EXOC6: variants seen among roughly 807,000 people sequenced by gnomAD.
The protein encoded by EXOC6 is exocyst complex component 6.
Under a neutral mutation model 112.5 loss-of-function variants are expected in EXOC6, and 60 were observed. The ratio of observed to expected loss-of-function variants is 0.53; its 90% CI spans 0.43 to 0.66. The LOEUF (loss-of-function observed/expected upper bound fraction) is 0.66. EXOC6 is among the 30% of genes least tolerant of loss of function. The pLI, the probability that EXOC6 is intolerant of heterozygous loss-of-function variation, is 0.00. For missense variants in EXOC6, 855 were observed against 957.1 expected (o/e 0.89, Z 1.41); for synonymous variants, 295 against 308.0 (o/e 0.96, Z 0.44).
chr10:92,919,954 A>T (rs1456683486), intron 7 of EXOC6, 28 bp from the exon 8 acceptor site: 1 of 1,482,910 alleles, frequency 6.7e-7, no homozygotes, highest in East Asian at 2.3e-5. Flanking sequence ...TTGACCTATA[A>T]TTTTTTTAAA....
At chr10:92,844,583 GT>G (rs574293696), upstream of EXOC6, among the ~76,000 whole-genome samples, 7 of 151,220 alleles carry the variant, frequency 4.6e-5, no homozygotes, top group East Asian at 5.8e-4. Context: ...ACACAATCAG[GT>G]TTTTTTTTAA....
chr10:93,017,892 C>A (rs1414064697), intron 20 of EXOC6, among the ~76,000 whole-genome samples: 1 of 151,774 alleles, frequency 6.6e-6, no homozygotes, highest in Non-Finnish European at 1.5e-5. Flanking sequence ...CACCTGTAAT[C>A]CCAGTTACTC....
chr10:93,032,051 A>G (rs1845302727), intron 20 of EXOC6, among the ~76,000 whole-genome samples: 1 of 151,882 alleles, frequency 6.6e-6, no homozygotes. Flanking sequence ...GTTATGAATA[A>G]TTTGTAGTTT....
chr10:93,047,535 C>CAAACAAAACA (rs149468459), intron 20 of EXOC6, among the ~76,000 whole-genome samples: 24 of 151,262 alleles, frequency 1.6e-4, no homozygotes, highest in Admixed American at 1.3e-3. Flanking sequence ...GGCTATGTCT[C>CAAACAAAACA]AAACAAAACA....
At chr10:92,860,828 A>G (rs1424525986) in intron 1 of EXOC6, among the ~76,000 whole-genome samples, 3 of 151,302 alleles carry the variant, frequency 2.0e-5, no homozygotes, top group Admixed American at 6.6e-5. Context: ...TTGTATGTAT[A>G]TATTACATTT....
chr10:92,873,690 G>A (rs1420151093), intron 1 of EXOC6, among the ~76,000 whole-genome samples: 3 of 152,006 alleles, frequency 2.0e-5, no homozygotes, highest in African/African-American at 4.8e-5. Flanking sequence ...AATATTTCAT[G>A]GAAAAACACA....
intron 1 of EXOC6, among the ~76,000 whole-genome samples, chr10:92,891,832 A>G (rs918582394): frequency 6.6e-6 from 1 of 152,196 alleles, no homozygotes; most frequent in African/African-American, 2.4e-5. Context: ...TACCTCTTGT[A>G]TTAGAGAGTG....
intron 20 of EXOC6, among the ~76,000 whole-genome samples, chr10:93,039,907 G>GCT (rs1199296392): frequency 6.6e-6 from 1 of 152,162 alleles, no homozygotes; most frequent in African/African-American, 2.4e-5. Context: ...TAACCCTGCA[G>GCT]CTCTCTCTAG....
At chr10:92,974,309 T>C (rs1404212437) in intron 18 of EXOC6, 77 bp downstream of exon 18, 1 of 947,428 alleles carries the variant, frequency 1.1e-6, no homozygotes, top group Non-Finnish European at 1.5e-6. Flanking sequence ...TGAGGTTTCC[T>C]TGCTTAAACC....
intron 1 of EXOC6, among the ~76,000 whole-genome samples, chr10:92,893,134 A>G (rs1849587882): frequency 6.6e-6 from 1 of 152,136 alleles, no homozygotes; most frequent in South Asian, 2.1e-4. Flanking sequence ...TTATTTCCAG[A>G]TACCTCATGC....
rs143417826 is a variant in EXOC6, at chr10:92,890,645, A to AGT, written c.102-2687_102-2686dup. Reference sequence around the variant, plus strand: ...TAAAAAATAAAGCAGGGAAGGGGATAGTGTGTGTGTGTGTGTGTATCTGTC... The same window carrying AGT: ...TAAAAAATAAAGCAGGGAAGGGGATAGTGTGTGTGTGTGTGTGTGTATCTGTC... On this transcript the variant is annotated intron_variant, in intron 1 of 21. Transcript: ENST00000260762. 5.7e-3 allele frequency among the ~76,000 whole-genome samples: 857 copies of AGT among 150,328 alleles called. 1 individual carries two copies. Among genetic ancestry groups the AGT allele is most frequent in the Middle Eastern group, 0.01 (3 of 288 alleles).
chr10:92,912,754 C>A (rs967183499), intron 6 of EXOC6, among the ~76,000 whole-genome samples: 5 of 152,148 alleles, frequency 3.3e-5, no homozygotes, highest in Non-Finnish European at 5.9e-5. Flanking sequence ...TGAAGGTAGA[C>A]AACCAGTCAG....
At chr10:92,874,292 A>C (rs1038434030) in intron 1 of EXOC6, among the ~76,000 whole-genome samples, 1 of 151,940 alleles carries the variant, frequency 6.6e-6, no homozygotes. Context: ...TATATGGCAT[A>C]TCATCATCAT....
intron 13 of EXOC6, among the ~76,000 whole-genome samples, chr10:92,944,668 A>T (rs955089908): frequency 6.6e-6 from 1 of 152,076 alleles, no homozygotes; most frequent in African/African-American, 2.4e-5. Context: ...TTACATTGCC[A>T]CCAACAGCGT....
chr10:92,990,545 G>A (rs1843188033), intron 18 of EXOC6, among the ~76,000 whole-genome samples: 1 of 152,154 alleles, frequency 6.6e-6, no homozygotes, highest in African/African-American at 2.4e-5. Flanking sequence ...CTTAATGAGA[G>A]TTACTTCATT....
At chr10:92,843,007 C>T (rs1023369626) in intron 1 of EXOC6, among the ~76,000 whole-genome samples, 2 of 152,134 alleles carry the variant, frequency 1.3e-5, no homozygotes, top group Admixed American at 6.5e-5. Flanking sequence ...AATACATGAA[C>T]ATGGTACACA....
At chr10:92,925,515 G>A (rs1479183602) in intron 8 of EXOC6, among the ~76,000 whole-genome samples, 4 of 151,990 alleles carry the variant, frequency 2.6e-5, no homozygotes, top group African/African-American at 4.8e-5. Flanking sequence ...GGTTGGTCTC[G>A]AACTCCTGGC....
intron 5 of EXOC6, among the ~76,000 whole-genome samples, chr10:92,904,035 GAT>G (rs1850315548): frequency 6.6e-6 from 1 of 151,914 alleles, no homozygotes; most frequent in Non-Finnish European, 1.5e-5. Flanking sequence ...CAGAATGTCA[GAT>G]AGTTGAAATA....
chr10:92,998,613 A>AT (rs1457238653), intron 19 of EXOC6, among the ~76,000 whole-genome samples: 1 of 130,332 alleles, frequency 7.7e-6, no homozygotes, highest in Non-Finnish European at 1.6e-5. Context: ...GACAAGATCA[A>AT]TTGTCTGTTG....
Sources: gnomAD v4.1 joint callset for allele counts (sites outside exome capture counted in the v4.1 genomes callset) on GRCh38, gnomAD v4.1.1 for gene constraint, MANE v1.5 for transcripts, NCBI Gene and HGNC (gene_info 2026-07-23, HGNC 2026-07-21) for gene names.